PLA2G7: variants seen among roughly 807,000 people sequenced by gnomAD.
PLA2G7 encodes phospholipase A2 group VII, also known as platelet-activating factor acetylhydrolase.
A neutral mutation model predicts 49.6 loss-of-function variants in PLA2G7; 63 were observed. That is an observed-to-expected ratio of 1.27 (90% confidence interval 1.04 to 1.57). The LOEUF is 1.57. Ranked by LOEUF, PLA2G7 falls within the 40% of genes most tolerant of loss-of-function variation. The pLI, the probability that PLA2G7 is intolerant of heterozygous loss-of-function variation, is 0.00. For synonymous variants in PLA2G7, 193 were observed against 169.9 expected, an observed-to-expected ratio of 1.14 and a Z score of -1.06; for missense variants, 596 against 521.2, an observed-to-expected ratio of 1.14 and a Z score of -1.40.
intron 1 of PLA2G7, among the ~76,000 whole-genome samples, chr6:46,731,492 C>T (rs953170155): frequency 6.6e-6 from 1 of 152,088 alleles, no homozygotes; most frequent in Non-Finnish European, 1.5e-5. Flanking sequence ...TTTATCTGAC[C>T]ATATTCAACT....
At chr6:46,714,320 C>A in intron 5 of PLA2G7, 140 bp downstream of exon 5, 3 of 741,062 alleles carry the variant, frequency 4.0e-6, no homozygotes, top group South Asian at 1.4e-5. Context: ...GATCAATAGA[C>A]CCACAGCCAA....
chr6:46,722,822 A>G lies in PLA2G7; in HGVS notation c.70T>C (p.Trp24Arg). 6.2e-7 allele frequency: 1 copy of G among 1,613,526 alleles called. No individual in the cohort carries two copies. The change falls in exon 2 of 12, where the codon TGG (tryptophan) becomes CGG (arginine). Residue 24 changes from tryptophan (W) to arginine (R), a missense_variant. Transcript: ENST00000274793. The part of the protein sequence containing the change: ...GCLAVVYPFD[W>R]QYINPVAHMK... ...TGGGCAACAGGATTTATGTATTGCC[A>G]GTCAAAAGGATAAACCACAGCCAGG...
At chr6:46,705,351 AT>A (rs1333445378) in intron 10 of PLA2G7, 50 bp from the exon 11 acceptor site, 5 of 1,490,572 alleles carry the variant, frequency 3.4e-6, no homozygotes, top group African/African-American at 2.8e-5. Flanking sequence ...TAAAATTATT[AT>A]TTTTTTAGTT....
intron 1 of PLA2G7, among the ~76,000 whole-genome samples, chr6:46,724,908 G>A (rs1765523410): frequency 6.6e-6 from 1 of 152,164 alleles, no homozygotes; most frequent in African/African-American, 2.4e-5. Flanking sequence ...TTCAATCAAA[G>A]GGTATTTCTT....
rs781074837 is a variant in PLA2G7, at chr6:46,710,589, CT to C, written c.732del (p.Val245Ter). 1.8e-5 allele frequency: 29 copies of C among 1,613,452 alleles called. No individual in the cohort carries two copies. The Admixed American group carries it at 4.8e-4, about 27-fold the overall frequency. On this transcript the variant is annotated frameshift_variant, in exon 8 of 12. Coordinates refer to ENST00000274793, the MANE Select transcript of PLA2G7 (RefSeq NM_005084.4). LOFTEE classifies it high-confidence loss of function. The stretch of plus-strand genomic sequence containing the variant: ...AACTTTAAATCTAATGCATTCTTCA[CT>C]GGCTTTCCATGATCAATGTCAAGAA... ...SLILDIDHGK[P>X]VKNALDLKFD...
chr6:46,708,210 C>T (rs1243715821), intron 9 of PLA2G7, 49 bp from the exon 10 acceptor site: 2 of 1,389,672 alleles, frequency 1.4e-6, no homozygotes, highest in African/African-American at 1.4e-5. Flanking sequence ...TACATACTAG[C>T]CAACATTGAG....
chr6:46,711,397 A>G, intron 7 of PLA2G7, 99 bp downstream of exon 7: 1 of 1,294,826 alleles, frequency 7.7e-7, no homozygotes, highest in South Asian at 1.2e-5. Flanking sequence ...TAGGAGAGCT[A>G]GGAGCATAAC....
At chr6:46,729,642 C>T (rs945447580) in intron 1 of PLA2G7, among the ~76,000 whole-genome samples, 24 of 152,240 alleles carry the variant, frequency 1.6e-4, no homozygotes, top group Admixed American at 7.2e-4. Context: ...AACCTAGACC[C>T]GGACCCTAAA....
intron 9 of PLA2G7, among the ~76,000 whole-genome samples, chr6:46,709,082 C>T (rs1193915410): frequency 6.6e-6 from 1 of 151,982 alleles, no homozygotes; most frequent in Non-Finnish European, 1.5e-5. Context: ...AAAGTGTTAA[C>T]CCCTTGGGTA....
intron 1 of PLA2G7, among the ~76,000 whole-genome samples, chr6:46,723,369 G>T (rs1429740237): frequency 6.6e-6 from 1 of 152,124 alleles, no homozygotes; most frequent in Non-Finnish European, 1.5e-5. Flanking sequence ...TTCTGCTGCT[G>T]TGGTTGTTTT....
chr6:46,721,738 A>T (rs1765409541), intron 2 of PLA2G7, among the ~76,000 whole-genome samples: 1 of 151,820 alleles, frequency 6.6e-6, no homozygotes, highest in Non-Finnish European at 1.5e-5. Flanking sequence ...GACCTGTGAG[A>T]TATTATTCTA....
At chr6:46,706,229 T>C (rs889773187) in intron 10 of PLA2G7, among the ~76,000 whole-genome samples, 2 of 152,240 alleles carry the variant, frequency 1.3e-5, no homozygotes, top group Admixed American at 6.5e-5. Flanking sequence ...CTCTTGACTC[T>C]GCTGGTTCTT....
At chr6:46,712,687 A>G (rs1239968168) in intron 5 of PLA2G7, among the ~76,000 whole-genome samples, 6 of 152,208 alleles carry the variant, frequency 3.9e-5, no homozygotes, top group South Asian at 2.1e-4. Context: ...GGCAGTGATT[A>G]TAAATATTGC....
At chr6:46,709,267 C>G in intron 9 of PLA2G7, 60 bp downstream of exon 9, 1 of 963,368 alleles carries the variant, frequency 1.0e-6, no homozygotes, top group Non-Finnish European at 1.7e-6. Context: ...AATTATATCT[C>G]ACAATATAAT....
At chr6:46,721,326 G>A (rs2150706109) in intron 2 of PLA2G7, among the ~76,000 whole-genome samples, 1 of 152,076 alleles carries the variant, frequency 6.6e-6, no homozygotes, top group East Asian at 1.9e-4. Context: ...CAGATTACAG[G>A]CACGAGCCAC....
At chr6:46,705,701 C>T (rs536489935) in intron 10 of PLA2G7, among the ~76,000 whole-genome samples, 10 of 152,222 alleles carry the variant, frequency 6.6e-5, no homozygotes, top group African/African-American at 1.9e-4. Context: ...TGATGCTAGT[C>T]ACTTTAAATT....
At chr6:46,717,190 T>G in intron 2 of PLA2G7, 94 bp from the exon 3 acceptor site, 1 of 1,148,262 alleles carries the variant, frequency 8.7e-7, no homozygotes, top group Non-Finnish European at 1.3e-6. Context: ...TTACTTCCCA[T>G]AGTTTCTGGC....
intron 3 of PLA2G7, 123 bp from the exon 4 acceptor site, chr6:46,716,651 A>T (rs1765211965): frequency 2.2e-6 from 2 of 926,492 alleles, no homozygotes; most frequent in African/African-American, 3.3e-5. Context: ...AGGTCTAAAG[A>T]ACTTTTTAGG....
At chr6:46,717,202 T>C in intron 2 of PLA2G7, 106 bp from the exon 3 acceptor site, 1 of 1,015,786 alleles carries the variant, frequency 9.8e-7, no homozygotes, top group Non-Finnish European at 1.6e-6. Flanking sequence ...GTTTCTGGCC[T>C]TCTTTCTTTC....
Sources: allele counts gnomAD v4.1 joint callset (sites outside exome capture counted in the v4.1 genomes callset), GRCh38; gene constraint gnomAD v4.1.1; transcripts MANE v1.5; gene names NCBI Gene and HGNC (gene_info 2026-07-23, HGNC 2026-07-21).